Variants in ANKRD28 observed in about 807,000 individuals in gnomAD.
ANKRD28 encodes serine/threonine-protein phosphatase 6 regulatory ankyrin repeat subunit A.
In ANKRD28, 44 loss-of-function variants were observed where a neutral mutation model predicts 126.5. The observed-to-expected ratio is 0.35, with a 90% CI of 0.27 to 0.45. ANKRD28 has a LOEUF of 0.45. Among genes scored for constraint, ANKRD28 ranks in the 20% least tolerant of loss-of-function variants. The probability of loss-of-function intolerance (pLI) is 1.00; values close to 1 mark genes in which losing one functional copy is unlikely to be tolerated. For synonymous variants in ANKRD28, 442 were observed against 468.5 expected (o/e 0.94, Z 0.73); for missense variants, 1,110 against 1,316.6 (o/e 0.84, Z 2.43).
chr3:15,741,394 G>C (rs1309261286), intron 4 of ANKRD28, among the ~76,000 whole-genome samples: 1 of 152,098 alleles, frequency 6.6e-6, no homozygotes, highest in African/African-American at 2.4e-5. Context: ...ATCATCATAA[G>C]CACACGGAAA....
At chr3:15,809,204 A>C (rs2060654632) in intron 1 of ANKRD28, among the ~76,000 whole-genome samples, 1 of 152,104 alleles carries the variant, frequency 6.6e-6, no homozygotes. Flanking sequence ...AGTTCTATGC[A>C]TTTTACATAA....
rs373054566 is a variant in ANKRD28 at position 15,712,142 on chromosome 3, G to A, written c.1271C>T (p.Ser424Leu). 3.2e-5 allele frequency: 51 copies of A among 1,571,422 alleles called. No homozygotes were observed. Among genetic ancestry groups the A allele is most frequent in the Non-Finnish European group, 4.3e-5 (50 of 1,157,644 alleles). The change falls in exon 11 of 28, where the codon TCA (serine) becomes TTA (leucine). Residue 424 changes from serine to leucine, a missense_variant and splice_region_variant. Ser to Leu is a moderately radical substitution (Grantham distance 145, BLOSUM62 -2). Coordinates refer to ENST00000683139, the MANE Select transcript of ANKRD28 (RefSeq NM_001349278.2). ...AAGGCTGCAAAGGTTACACTTACCT[G>A]AAGAAAGAAGTTTTCTGCAGCAATC... ...FSDCCRKLLS[S>L]GFDIDTPDDF...
At chr3:15,856,499 G>C (rs1289403466) in intron 1 of ANKRD28, among the ~76,000 whole-genome samples, 1 of 151,990 alleles carries the variant, frequency 6.6e-6, no homozygotes, top group African/African-American at 2.4e-5. Flanking sequence ...ATATCTGTTA[G>C]AAAAAACCCT....
At chr3:15,744,472 GCT>G (rs2057340630) in intron 4 of ANKRD28, among the ~76,000 whole-genome samples, 1 of 107,938 alleles carries the variant, frequency 9.3e-6, no homozygotes, top group African/African-American at 5.4e-5. Context: ...ACCAAACCTG[GCT>G]TTTTTTTTTT....
At chr3:15,744,896 C>A (rs947571196) in intron 4 of ANKRD28, among the ~76,000 whole-genome samples, 2 of 152,084 alleles carry the variant, frequency 1.3e-5, no homozygotes, top group African/African-American at 4.8e-5. Context: ...GCATCCACAC[C>A]AACATCTATT....
intron 1 of ANKRD28, chr3:15,859,339 C>T: frequency 6.6e-7 from 1 of 1,520,688 alleles, no homozygotes; most frequent in Non-Finnish European, 8.8e-7. Context: ...CCCTTCCTTC[C>T]CGGACGGCGC....
rs753270429 is a variant in ANKRD28 at position 15,690,181 on chromosome 3, G to C, written c.1801C>G (p.Gln601Glu). ...GHHQALEVLV[Q>E]SLLDLDVRNS... ...CTGACATCAAGATCTAACAAAGACT[G>C]TACCAACACTTCCAGTGCTTGATGG... is the stretch of plus-strand genomic sequence containing the variant. The change falls in exon 18 of 28, where the codon CAG (glutamine) becomes GAG (glutamate). Residue 601 changes from glutamine to glutamate, a missense_variant. By Grantham distance (29) the Gln-to-Glu change is conservative. Transcript: ENST00000683139. The C allele has an allele frequency of 1.9e-6, 3 of 1,607,434 alleles. No homozygotes were observed. The highest frequency in any genetic ancestry group is 1.7e-6 in the Non-Finnish European group (2 of 1,176,628).
intron 14 of ANKRD28, among the ~76,000 whole-genome samples, chr3:15,705,470 G>A (rs2071230175): frequency 6.6e-6 from 1 of 152,146 alleles, no homozygotes; most frequent in East Asian, 1.9e-4. Flanking sequence ...TAACCAGTCT[G>A]TGAAAGTAGT....
At chr3:15,822,431 G>C (rs894812332) in intron 1 of ANKRD28, among the ~76,000 whole-genome samples, 1 of 152,154 alleles carries the variant, frequency 6.6e-6, no homozygotes, top group African/African-American at 2.4e-5. Context: ...AGTTTTAAAA[G>C]ACTCATTAAA....
intron 26 of ANKRD28, 40 bp from the exon 27 acceptor site, chr3:15,676,029 G>GA: frequency 6.5e-7 from 1 of 1,528,062 alleles, no homozygotes; most frequent in Non-Finnish European, 9.0e-7. Flanking sequence ...ATATGTGCAT[G>GA]TGCATGCACA....
intron 18 of ANKRD28, 130 bp from the exon 19 acceptor site, chr3:15,686,439 A>G: frequency 6.9e-6 from 5 of 721,210 alleles, no homozygotes; most frequent in Non-Finnish European, 1.1e-5. Flanking sequence ...AAGAATGAAA[A>G]CTATAGGTAA....
chr3:15,740,026 G>A (rs552814288), intron 4 of ANKRD28, among the ~76,000 whole-genome samples: 3 of 151,762 alleles, frequency 2.0e-5, no homozygotes, highest in South Asian at 2.1e-4. Flanking sequence ...ACAGAAAAAT[G>A]GATAAACAAA....
At position 15,797,424 on chromosome 3, in the gene ANKRD28, T is replaced by C. The variant is rs1162602280; in HGVS notation, c.-903A>G. The stretch of plus-strand genomic sequence containing the variant: ...TCTTTCTCCATCAGGCAGTTGTCTG[T>C]GGCTGCTCCAGCAAAAGGGCACAGG... On this transcript the variant is annotated 5_prime_UTR_variant, in exon 1 of 28. Coordinates refer to ENST00000683139, the MANE Select transcript of ANKRD28 (RefSeq NM_001349278.2). The C allele has an allele frequency of 4.1e-6, 4 of 985,298 alleles. No homozygotes were observed. Among genetic ancestry groups the C allele is most frequent in the Non-Finnish European group, 4.8e-6 (4 of 829,982 alleles). 61.0% of individuals were successfully genotyped at this position (985,298 alleles called of 1,614,324 possible).
chr3:15,678,020 G>T lies in ANKRD28; in HGVS notation c.2707+189C>A, dbSNP rs549750605. 1.2e-4 allele frequency among the ~76,000 whole-genome samples: 19 copies of T among 152,262 alleles called. 1 individual carries two copies. Among genetic ancestry groups the T allele is most frequent in the Admixed American group, 6.5e-4 (10 of 15,286 alleles). On this transcript the variant is annotated intron_variant, in intron 24 of 27. Coordinates refer to ENST00000683139, the MANE Select transcript of ANKRD28 (RefSeq NM_001349278.2). ...TATGTTATAAGGCCATGGTAAAGTA[G>T]ACTCCTCAATAGTCAGGGCAAACTA...
rs1378878793 is a variant in ANKRD28, at chr3:15,677,125, C to G, written c.2791-69G>C. ...AAGATACATTTATACACCCAACAAT[C>G]TGCAATCCTAGTCCATATATTATGT... On this transcript the variant is annotated intron_variant, in intron 25 of 27. Coordinates refer to ENST00000683139, the MANE Select transcript of ANKRD28 (RefSeq NM_001349278.2). The G allele has an allele frequency of 3.3e-6, 4 of 1,225,732 alleles. No homozygotes were observed. The Admixed American group carries it at 6.8e-5, about 21-fold the overall frequency. 75.9% of individuals were successfully genotyped at this position (1,225,732 alleles called of 1,614,324 possible).
chr3:15,759,155 T>C, intron 3 of ANKRD28, among the ~76,000 whole-genome samples: 1 of 151,938 alleles, frequency 6.6e-6, no homozygotes, highest in South Asian at 2.1e-4. Flanking sequence ...GGGAGGAGGG[T>C]GGAAATTATG....
chr3:15,762,202 A>AC (rs1477861824), intron 3 of ANKRD28, among the ~76,000 whole-genome samples: 10 of 31,868 alleles, frequency 3.1e-4, no homozygotes, highest in South Asian at 1.3e-3. Context: ...AAAAAAAAAA[A>AC]AAAAAAAAAA....
chr3:15,850,230 G>A (rs375292847), intron 1 of ANKRD28, among the ~76,000 whole-genome samples: 1 of 71,138 alleles, frequency 1.4e-5, no homozygotes, highest in Non-Finnish European at 2.9e-5. Context: ...TATATAGAGA[G>A]AGAGAGAGAG....
chr3:15,793,287 A>G (rs908401524), intron 2 of ANKRD28, among the ~76,000 whole-genome samples: 1 of 152,202 alleles, frequency 6.6e-6, no homozygotes, highest in African/African-American at 2.4e-5. Flanking sequence ...AATGGCCAAA[A>G]AGTTAACAAA....
Sources: allele counts gnomAD v4.1 joint callset (sites outside exome capture counted in the v4.1 genomes callset), GRCh38; gene constraint gnomAD v4.1.1; transcripts MANE v1.5; gene names NCBI Gene and HGNC (gene_info 2026-07-23, HGNC 2026-07-21).